The following PHAF1 variants were observed in gnomAD, a reference collection of about 807,000 sequenced individuals.
PHAF1 encodes phagophore assembly factor 1.
In PHAF1, 23 loss-of-function variants were observed where a neutral mutation model predicts 63.1. The observed-to-expected ratio is 0.36, with a 90% CI of 0.26 to 0.52. PHAF1 has a LOEUF of 0.52. Among genes scored for constraint, PHAF1 ranks in the 20% least tolerant of loss-of-function variants. The probability of loss-of-function intolerance (pLI) is 0.93; values close to 1 mark genes in which losing one functional copy is unlikely to be tolerated. For missense variants in PHAF1, 427 were observed against 517.2 expected, an observed-to-expected ratio of 0.83 and a Z score of 1.69; for synonymous variants, 167 against 185.0, an observed-to-expected ratio of 0.90 and a Z score of 0.79.
At chr16:67,110,484 T>C (rs182595168) in intron 1 of PHAF1, among the ~76,000 whole-genome samples, 1 of 152,242 alleles carries the variant, frequency 6.6e-6, no homozygotes, top group East Asian at 1.9e-4. Context: ...GTAAAGACAA[T>C]AATAGCTTGC....
rs2030056056 is a variant in PHAF1 at position 67,146,263 on chromosome 16, A to G, written c.1110-15A>G. 1.2e-6 allele frequency: 2 copies of G among 1,611,098 alleles called. No homozygotes were observed. The highest frequency in any genetic ancestry group is 2.7e-5 in the African/African-American group (2 of 74,730). On this transcript the variant is annotated splice_polypyrimidine_tract_variant and intron_variant, in intron 14 of 15. Transcript: ENST00000219139. ...CCTCTGTCTGCCTCTCTAATTCTGA[A>G]TTCTTTGGCCTCAGGTCTTCCTCCC...
At chr16:67,118,393 G>T (rs1962836958) in intron 1 of PHAF1, among the ~76,000 whole-genome samples, 1 of 135,962 alleles carries the variant, frequency 7.4e-6, no homozygotes, top group African/African-American at 2.8e-5. Flanking sequence ...CTGGAGTGCA[G>T]TGGCGCTATC....
At position 67,144,316 on chromosome 16, in the gene PHAF1, C is replaced by T; in HGVS notation, c.902C>T (p.Thr301Ile). 6.2e-7 allele frequency: 1 copy of T among 1,611,782 alleles called. No individual in the cohort carries two copies. Among genetic ancestry groups the T allele is most frequent in the Non-Finnish European group, 8.5e-7 (1 of 1,177,856 alleles). Residue 301 changes from threonine (T) to isoleucine (I), a missense_variant, in exon 11 of 16, where the codon ACA becomes ATA. Coordinates refer to ENST00000219139, the MANE Select transcript of PHAF1 (RefSeq NM_025187.5). ...CAGGACATCCTCTTTGATGCGAATA[C>T]ACACAAAGTGAAGAAGTTTGTTCTA... ...LGVDILFDAN[T>I]HKVKKFVLHT...
At chr16:67,134,621 C>A (rs1963541888) in intron 8 of PHAF1, 154 bp downstream of exon 8, 2 of 750,002 alleles carry the variant, frequency 2.7e-6, no homozygotes, top group Non-Finnish European at 4.7e-6. Context: ...AAATTTATTT[C>A]TTGCAGTTCT....
chr16:67,119,523 T>A (rs8049805), intron 1 of PHAF1, among the ~76,000 whole-genome samples: 15,713 of 138,626 alleles, frequency 0.11, 1,536 homozygotes, highest in African/African-American at 0.28. Flanking sequence ...CATACGCATC[T>A]TTTTTTTTTT....
At chr16:67,136,809 A>G (rs1008977606) in intron 8 of PHAF1, among the ~76,000 whole-genome samples, 5 of 151,700 alleles carry the variant, frequency 3.3e-5, no homozygotes, top group African/African-American at 1.2e-4. Context: ...TCAAACTCCT[A>G]GCCTTAAGCG....
rs1217083715 is a variant in PHAF1 at position 67,110,227 on chromosome 16, G to A, written c.52G>A (p.Glu18Lys). ...PERSLGNEQW[E>K]FTLGMPLAQA... Reference sequence around the variant, plus strand: ...ACGCTCTCTGGGGAACGAGCAATGGGAATTCACGCTGGGTGAGTTTGGGGT... The same window carrying A: ...ACGCTCTCTGGGGAACGAGCAATGGAAATTCACGCTGGGTGAGTTTGGGGT... Residue 18 changes from glutamate to lysine, a missense_variant, in exon 1 of 16, where the codon GAA (glutamate) becomes AAA (lysine). Coordinates refer to ENST00000219139, the MANE Select transcript of PHAF1 (RefSeq NM_025187.5). The A allele has an allele frequency of 6.4e-7, 1 of 1,552,408 alleles. No homozygotes were observed. The highest frequency in any genetic ancestry group is 1.2e-5 in the South Asian group (1 of 84,096).
intron 3 of PHAF1, among the ~76,000 whole-genome samples, chr16:67,126,892 CTT>C (rs894357549): frequency 1.1e-4 from 14 of 125,672 alleles, no homozygotes; most frequent in Non-Finnish European, 1.4e-4. Flanking sequence ...CCAGCCCAGT[CTT>C]TTTTTTTTTT....
Position 67,128,896 on chromosome 16 carries a change from A to G in PHAF1, c.232-2390A>G, listed in dbSNP as rs971138557. Among the ~76,000 whole-genome samples, 6 of 152,184 alleles carry G rather than the reference A, an allele frequency of 3.9e-5. No individual in the cohort carries two copies. The South Asian group carries it at 1.2e-3, about 31-fold the overall frequency. On this transcript the variant is annotated intron_variant, in intron 3 of 15. Transcript: ENST00000219139. ...AAGCACCTATATGTGTTGGACCCGT[A>G]TAGCTGTTGGCAGGTGGGGTGCCAG...
intron 1 of PHAF1, among the ~76,000 whole-genome samples, chr16:67,118,834 C>T (rs1179344675): frequency 7.3e-6 from 1 of 137,516 alleles, no homozygotes; most frequent in Non-Finnish European, 1.5e-5. Flanking sequence ...AGCACAGTAG[C>T]ACTTATCATG....
intron 8 of PHAF1, among the ~76,000 whole-genome samples, chr16:67,139,106 G>C (rs1174548336): frequency 2.0e-5 from 3 of 151,816 alleles, no homozygotes; most frequent in African/African-American, 7.3e-5. Context: ...ATATTTTGTA[G>C]AGCCAGGGTT....
At chr16:67,116,651 A>T (rs2145821547) in intron 1 of PHAF1, among the ~76,000 whole-genome samples, 1 of 152,282 alleles carries the variant, frequency 6.6e-6, no homozygotes. Context: ...GGAGTTCAAG[A>T]CCAGTCTGGG....
At chr16:67,122,145 C>G (rs1364508580) in intron 2 of PHAF1, among the ~76,000 whole-genome samples, 1 of 152,082 alleles carries the variant, frequency 6.6e-6, no homozygotes, top group Non-Finnish European at 1.5e-5. Flanking sequence ...AGTGATCCTC[C>G]CACCTCAGCC....
rs1962913536 is a variant in PHAF1 at position 67,120,139 on chromosome 16, T to C, written c.92T>C (p.Ile31Thr). 1 of 1,614,084 alleles carries C rather than the reference T, an allele frequency of 6.2e-7. No homozygotes were observed. Among genetic ancestry groups the C allele is most frequent in the East Asian group, 2.2e-5 (1 of 44,868 alleles). Residue 31 changes from isoleucine (I) to threonine (T), a missense_variant, in exon 2 of 16, where the codon ATT (isoleucine) becomes ACT (threonine). Ile to Thr is a moderately conservative substitution (Grantham distance 89). Coordinates refer to ENST00000219139, the MANE Select transcript of PHAF1 (RefSeq NM_025187.5). ...ATGCCTCTGGCTCAGGCAGTAGCCA[T>C]TCTTCAGAAGCACTGTCGCATCATC... is the stretch of plus-strand genomic sequence containing the variant. ...LGMPLAQAVA[I>T]LQKHCRIIKN...
intron 6 of PHAF1, among the ~76,000 whole-genome samples, chr16:67,133,360 G>A (rs532273701): frequency 7.2e-5 from 11 of 152,134 alleles, no homozygotes; most frequent in African/African-American, 2.4e-4. Context: ...CCCCTATGAA[G>A]AAAAGGAAAA....
chr16:67,114,025 A>G (rs551690107), intron 1 of PHAF1, among the ~76,000 whole-genome samples: 221 of 152,260 alleles, frequency 1.5e-3, no homozygotes, highest in Middle Eastern at 3.4e-3. Context: ...GAGTTGCAGA[A>G]TGTATTGATG....
At chr16:67,132,691 T>C in intron 5 of PHAF1, 126 bp from the exon 6 acceptor site, 1 of 1,173,728 alleles carries the variant, frequency 8.5e-7, no homozygotes, top group Non-Finnish European at 1.3e-6. Flanking sequence ...TTCAACCTAG[T>C]AGGCCAGTTT....
At chr16:67,110,426 C>T (rs1042003783) in intron 1 of PHAF1, among the ~76,000 whole-genome samples, 187 bp downstream of exon 1, 1 of 152,064 alleles carries the variant, frequency 6.6e-6, no homozygotes, top group Non-Finnish European at 1.5e-5. Context: ...GTCAGTTGCT[C>T]GTCTCGGGTC....
At chr16:67,134,850 C>T (rs1405393487) in intron 8 of PHAF1, 2 of 382,164 alleles carry the variant, frequency 5.2e-6, no homozygotes, top group South Asian at 1.9e-5. Context: ...AATACCATCA[C>T]CTTGGTGGTT....
Sources: gnomAD v4.1 joint callset for allele counts (sites outside exome capture counted in the v4.1 genomes callset) on GRCh38, gnomAD v4.1.1 for gene constraint, MANE v1.5 for transcripts, NCBI Gene and HGNC (gene_info 2026-07-23, HGNC 2026-07-21) for gene names.